ARK2N: variants seen among roughly 807,000 people sequenced by gnomAD.
The protein encoded by ARK2N is protein ARK2N.
At chr18:46,178,228 G>A in the ARK2N span, among the ~76,000 whole-genome samples, 8 of 152,324 alleles carry the variant, frequency 5.3e-5, no homozygotes, top group Admixed American at 2.0e-4. Flanking sequence ...TTATTAGTCC[G>A]CTAATGGGTT....
the ARK2N span, among the ~76,000 whole-genome samples, chr18:46,235,253 A>G: frequency 7.2e-5 from 11 of 152,194 alleles, no homozygotes; most frequent in Non-Finnish European, 5.9e-5. Context: ...CAAAAATACA[A>G]AAGTCACATT....
At chr18:46,200,781 T>G in the ARK2N span, among the ~76,000 whole-genome samples, 2 of 150,972 alleles carry the variant, frequency 1.3e-5, no homozygotes, top group Non-Finnish European at 2.9e-5. Context: ...TTTGATTACA[T>G]CATTTTTTTT....
chr18:46,240,854 C>T, the ARK2N span, among the ~76,000 whole-genome samples: 2 of 152,148 alleles, frequency 1.3e-5, no homozygotes, highest in Non-Finnish European at 2.9e-5. Flanking sequence ...AAGTCTTCTT[C>T]AATATTTTCT....
chr18:46,241,939 C>G, the ARK2N span, among the ~76,000 whole-genome samples: 1 of 151,944 alleles, frequency 6.6e-6, no homozygotes, highest in Admixed American at 6.6e-5. Flanking sequence ...GCCTCAGGCT[C>G]CTGAGTAGCT....
the ARK2N span, among the ~76,000 whole-genome samples, chr18:46,242,758 T>G: frequency 3.9e-5 from 6 of 152,290 alleles, no homozygotes; most frequent in Non-Finnish European, 7.4e-5. Flanking sequence ...ATTTTATGAG[T>G]TTTGTTGTTG....
At chr18:46,257,177 A>C in the ARK2N span, among the ~76,000 whole-genome samples, 1 of 152,050 alleles carries the variant, frequency 6.6e-6, no homozygotes. Flanking sequence ...TTGGGTTTTT[A>C]AGAGTTTTTA....
the ARK2N span, chr18:46,217,649 A>G: frequency 1.3e-5 from 2 of 152,240 alleles, no homozygotes; most frequent in African/African-American, 4.8e-5. Flanking sequence ...AGCTTCCCAA[A>G]CTTATATAAA....
chr18:46,245,454 G>A, the ARK2N span, among the ~76,000 whole-genome samples: 2 of 151,480 alleles, frequency 1.3e-5, no homozygotes, highest in Admixed American at 6.6e-5. Flanking sequence ...TCCTGTAGTC[G>A]CAGCTACTTG....
the ARK2N span, among the ~76,000 whole-genome samples, chr18:46,196,042 G>A: frequency 6.6e-6 from 1 of 151,520 alleles, no homozygotes; most frequent in African/African-American, 2.4e-5. Context: ...GTGCAGTGGT[G>A]CGATCTCGGC....
At chr18:46,204,667 T>C in the ARK2N span, among the ~76,000 whole-genome samples, 1 of 152,316 alleles carries the variant, frequency 6.6e-6, no homozygotes, top group East Asian at 1.9e-4. Flanking sequence ...ATAAAATAAA[T>C]AGATGCAAGA....
the ARK2N span, among the ~76,000 whole-genome samples, chr18:46,211,379 T>TC: frequency 2.0e-5 from 3 of 152,108 alleles, no homozygotes; most frequent in African/African-American, 7.2e-5. Flanking sequence ...AGCTAAATTT[T>TC]AAATTTTTTG....
the ARK2N span, among the ~76,000 whole-genome samples, chr18:46,262,642 A>G: frequency 6.6e-6 from 1 of 152,170 alleles, no homozygotes; most frequent in African/African-American, 2.4e-5. Context: ...ATGAGTCCAG[A>G]GAAACATCCT....
the ARK2N span, among the ~76,000 whole-genome samples, chr18:46,179,116 A>G: frequency 6.6e-6 from 1 of 151,134 alleles, no homozygotes; most frequent in African/African-American, 2.4e-5. Flanking sequence ...CTAATTTTTT[A>G]TATTTTTGGT....
the ARK2N span, among the ~76,000 whole-genome samples, chr18:46,177,431 CTT>C: frequency 0.019 from 1,704 of 89,342 alleles, 36 homozygotes; most frequent in African/African-American, 0.062. Flanking sequence ...TTTTTCTTTA[CTT>C]TTTTTTTTTT....
At chr18:46,232,297 A>G in the ARK2N span, 1 of 152,242 alleles carries the variant, frequency 6.6e-6, no homozygotes, top group East Asian at 1.9e-4. Context: ...TCTTACAAAA[A>G]GGTAGCCTTT....
chr18:46,178,308 A>AT, the ARK2N span, among the ~76,000 whole-genome samples: 11 of 152,148 alleles, frequency 7.2e-5, no homozygotes, highest in Admixed American at 2.6e-4. Context: ...CATTCCTTTT[A>AT]TTTTTATTTA....
At chr18:46,215,981 C>A in the ARK2N span, 3 of 1,613,988 alleles carry the variant, frequency 1.9e-6, no homozygotes, top group South Asian at 3.3e-5. Flanking sequence ...GAAGATGGAT[C>A]TGTAGAACTG....
At chr18:46,182,995 C>A in the ARK2N span, among the ~76,000 whole-genome samples, 1 of 151,838 alleles carries the variant, frequency 6.6e-6, no homozygotes, top group Non-Finnish European at 1.5e-5. Flanking sequence ...ATTAGAGTTC[C>A]CTTTCTGTAC....
At chr18:46,219,473 CTTT>C in the ARK2N span, among the ~76,000 whole-genome samples, 6 of 138,834 alleles carry the variant, frequency 4.3e-5, no homozygotes, top group Admixed American at 7.2e-5. Context: ...CAAGTGATTT[CTTT>C]TTTTTTTTTT....
Sources: allele counts gnomAD v4.1 joint callset (sites outside exome capture counted in the v4.1 genomes callset), GRCh38; gene constraint gnomAD v4.1.1; transcripts MANE v1.5; gene names NCBI Gene and HGNC (gene_info 2026-07-23, HGNC 2026-07-21).